The following DNAH12 variants were observed in gnomAD, a reference collection of about 807,000 sequenced individuals.
The protein encoded by DNAH12 is dynein axonemal heavy chain 12.
DNAH12 carries 285 observed loss-of-function variants against 371.5 expected under a neutral mutation model. That is an observed-to-expected ratio of 0.77 (90% CI 0.70 to 0.85). The LOEUF (loss-of-function observed/expected upper bound fraction) is 0.85. Among genes scored for constraint, DNAH12 ranks in the 40% least tolerant of loss-of-function variants. The probability of loss-of-function intolerance (pLI) is 0.00; values close to 1 mark genes in which losing one functional copy is unlikely to be tolerated. For missense variants in DNAH12, 3,611 were observed against 3,689.4 expected (o/e 0.98, Z 0.55); for synonymous variants, 1,200 against 1,213.0 (o/e 0.99, Z 0.22).
intron 5 of DNAH12, among the ~76,000 whole-genome samples, chr3:57,510,232 C>A (rs1158059267): frequency 6.6e-6 from 1 of 151,712 alleles, no homozygotes; most frequent in African/African-American, 2.4e-5. Context: ...AGTAAAAAAT[C>A]AAAGAGAAGT....
intron 36 of DNAH12, 37 bp from the exon 37 acceptor site, chr3:57,419,555 T>G: frequency 3.0e-6 from 4 of 1,352,636 alleles, no homozygotes; most frequent in Non-Finnish European, 3.8e-6. Context: ...ATTAAAACCA[T>G]GTACTTGCTG....
In DNAH12 at chr3:57,446,223, T is replaced by C. The variant is rs1349333718; in HGVS notation, c.3987A>G (p.Glu1329=). ...ASSGAWACFD[E]FNRIELEVLS... ...ACACTTCCAACTCAATTCGATTGAATTCATCAAAGCAAGCCCAAGCACCAG... is the reference window on the plus strand; with the variant it reads ...ACACTTCCAACTCAATTCGATTGAACTCATCAAAGCAAGCCCAAGCACCAG... The change falls in exon 27 of 74, where the codon GAA becomes GAG. Residue 1329 remains glutamate (E), a synonymous_variant. Transcript: ENST00000495027. The C allele has an allele frequency of 6.4e-7, 1 of 1,551,900 alleles. No individual in the cohort carries two copies. The highest frequency in any genetic ancestry group is 8.7e-7 in the Non-Finnish European group (1 of 1,147,046).
chr3:57,486,461 C>T (rs2066926765), intron 12 of DNAH12, among the ~76,000 whole-genome samples: 1 of 151,580 alleles, frequency 6.6e-6, no homozygotes, highest in Admixed American at 6.6e-5. Flanking sequence ...CATTCTATTA[C>T]TAGAAATATC....
At position 57,488,840 on chromosome 3, in the gene DNAH12, CT is replaced by C. The variant is rs2067022535; in HGVS notation, c.1514+668del. On this transcript the variant is annotated intron_variant, in intron 12 of 73. Transcript: ENST00000495027. Reference sequence around the variant, plus strand: ...GTGAACAAACCACAGGACATATTCCCTCTCTAAAAGGCAAAGTTGCTTCTTA... The same window carrying C: ...GTGAACAAACCACAGGACATATTCCCCTCTAAAAGGCAAAGTTGCTTCTTA... 2.6e-5 allele frequency among the ~76,000 whole-genome samples: 4 copies of C among 152,182 alleles called. No individual in the cohort carries two copies. In the South Asian group the frequency reaches 8.3e-4, roughly 32 times the overall value.
At chr3:57,383,499 T>TAAAA (rs3068162) in intron 49 of DNAH12, among the ~76,000 whole-genome samples, 117,224 of 151,256 alleles carry the variant, frequency 0.78, 45,976 homozygotes, top group African/African-American at 0.87. Context: ...GAGTGCCTCT[T>TAAAA]AAAGGCTTTG....
intron 13 of DNAH12, among the ~76,000 whole-genome samples, chr3:57,475,517 C>A (rs2066496212): frequency 6.6e-6 from 1 of 152,084 alleles, no homozygotes; most frequent in African/African-American, 2.4e-5. Flanking sequence ...CTACATTGAA[C>A]TGTATACTTA....
chr3:57,305,495 T>C (rs2061451066), intron 69 of DNAH12, among the ~76,000 whole-genome samples: 1 of 152,134 alleles, frequency 6.6e-6, no homozygotes, highest in South Asian at 2.1e-4. Flanking sequence ...TGCCCAGCAA[T>C]TTACTCTTAA....
chr3:57,388,672 A>T (rs1474740261), intron 45 of DNAH12, among the ~76,000 whole-genome samples: 1 of 152,180 alleles, frequency 6.6e-6, no homozygotes, highest in Non-Finnish European at 1.5e-5. Context: ...GAGGAGGCTT[A>T]GACTGGATTA....
chr3:57,503,606 C>G (rs770211090), intron 9 of DNAH12, among the ~76,000 whole-genome samples: 36 of 152,148 alleles, frequency 2.4e-4, no homozygotes, highest in Admixed American at 1.4e-3. Context: ...CCAGGATGGT[C>G]TTGATCTCCT....
Position 57,296,988 on chromosome 3 carries a change from C to A in DNAH12, c.11395-4G>T. ...GTTTTCCTGAATTATACCAGTCCTA[C>A]AAAGGGAAAACAAAACACATTATGT... On this transcript the variant is annotated splice_region_variant and splice_polypyrimidine_tract_variant and intron_variant, in intron 70 of 73. Coordinates refer to ENST00000495027, the MANE Select transcript of DNAH12 (RefSeq NM_001366028.2). The A allele has an allele frequency of 6.4e-7, 1 of 1,551,126 alleles. No individual in the cohort carries two copies. The highest frequency in any genetic ancestry group is 8.7e-7 in the Non-Finnish European group (1 of 1,146,858).
intron 45 of DNAH12, among the ~76,000 whole-genome samples, chr3:57,389,816 G>A (rs1311737222): frequency 1.9e-4 from 12 of 64,676 alleles, no homozygotes; most frequent in Non-Finnish European, 4.4e-4. Flanking sequence ...GTGTGTGTGT[G>A]TGTGTGTATA....
At chr3:57,304,566 G>A (rs973726907) in intron 69 of DNAH12, among the ~76,000 whole-genome samples, 4 of 151,914 alleles carry the variant, frequency 2.6e-5, no homozygotes, top group African/African-American at 7.3e-5. Context: ...CATTTTATCC[G>A]TGAACCCAAA....
At chr3:57,437,103 T>C (rs1293299505) in intron 29 of DNAH12, 43 bp from the exon 30 acceptor site, 1 of 1,188,538 alleles carries the variant, frequency 8.4e-7, no homozygotes, top group African/African-American at 1.6e-5. Context: ...CACAATATTA[T>C]AAATGTCATA....
intron 34 of DNAH12, among the ~76,000 whole-genome samples, chr3:57,427,887 T>C (rs1409722535): frequency 6.6e-6 from 1 of 151,954 alleles, no homozygotes; most frequent in Non-Finnish European, 1.5e-5. Flanking sequence ...TCTCCAGAAC[T>C]GTGAGAGAAT....
chr3:57,314,145 A>T (rs2061638015), intron 66 of DNAH12, among the ~76,000 whole-genome samples: 1 of 152,198 alleles, frequency 6.6e-6, no homozygotes. Context: ...TAGTGGGGAC[A>T]TATGTTAAGC....
intron 25 of DNAH12, among the ~76,000 whole-genome samples, chr3:57,452,064 C>T (rs1252828975): frequency 5.9e-5 from 9 of 152,150 alleles, no homozygotes; most frequent in Admixed American, 5.9e-4. Flanking sequence ...CTGCTCTAAA[C>T]CCTGCCTCAG....
At chr3:57,425,661 C>T (rs1317728275) in intron 34 of DNAH12, among the ~76,000 whole-genome samples, 1 of 152,142 alleles carries the variant, frequency 6.6e-6, no homozygotes, top group Non-Finnish European at 1.5e-5. Flanking sequence ...TTATATTACA[C>T]AATTATACAT....
chr3:57,328,820 T>TAGAA (rs1156972286), intron 62 of DNAH12, among the ~76,000 whole-genome samples: 4 of 130,132 alleles, frequency 3.1e-5, no homozygotes, highest in Non-Finnish European at 6.3e-5. Context: ...CCCCATTGTC[T>TAGAA]CAGCCCAAAA....
chr3:57,302,046 C>A, intron 69 of DNAH12, 107 bp from the exon 70 acceptor site: 1 of 1,209,834 alleles, frequency 8.3e-7, no homozygotes, highest in Non-Finnish European at 1.1e-6. Flanking sequence ...GGGATTGCTT[C>A]CCAAAATGTG....
Sources: allele counts gnomAD v4.1 joint callset (sites outside exome capture counted in the v4.1 genomes callset), GRCh38; gene constraint gnomAD v4.1.1; transcripts MANE v1.5; gene names NCBI Gene and HGNC (gene_info 2026-07-23, HGNC 2026-07-21).